Variants in RBFOX1 observed in about 807,000 individuals in gnomAD.
RBFOX1 encodes the protein RNA binding protein fox-1 homolog 1.
A neutral mutation model predicts 57.7 loss-of-function variants in RBFOX1; 8 were observed. That is an observed-to-expected ratio of 0.14 (90% CI 0.08 to 0.25). The LOEUF (loss-of-function observed/expected upper bound fraction) is 0.25. RBFOX1 is among the 10% of genes least tolerant of loss of function. The pLI, the probability that RBFOX1 is intolerant of heterozygous loss-of-function variation, is 1.00. For synonymous variants in RBFOX1, 326 were observed against 222.4 expected (o/e 1.47, Z -4.15); for missense variants, 611 against 548.5 (o/e 1.11, Z -1.14).
intron 3 of RBFOX1, among the ~76,000 whole-genome samples, chr16:6,793,376 G>T (rs1023951792): frequency 1.3e-5 from 2 of 152,062 alleles, no homozygotes; most frequent in African/African-American, 4.8e-5. Context: ...AGATTGATTG[G>T]ACTCTATAGG....
Position 7,325,874 on chromosome 16 carries a change from A to G in RBFOX1, c.28-192273A>G, listed in dbSNP as rs116393639. On this transcript the variant is annotated intron_variant, in intron 4 of 15. Coordinates refer to ENST00000550418, the MANE Select transcript of RBFOX1 (RefSeq NM_018723.4). ...GGGAATTTTTCTTGCGGTCCATGCT[A>G]GGTAATGCTTTTCCATGTTCTCTTC... Among the ~76,000 whole-genome samples the G allele has an allele frequency of 4.3e-3, 658 of 152,294 alleles. 6 individuals carry two copies. In the Middle Eastern group the frequency reaches 0.071, roughly 17 times the overall value.
chr16:7,579,845 G>C lies in RBFOX1; in HGVS notation c.339G>C (p.Lys113Asn), dbSNP rs760846272. ...AACCTTCTGAAAACACGGAAAACAA[G>C]TCTCAGCCCAAGCGGCTGCATGTCT... ...QTQPSENTEN[K>N]SQPKRLHVSN... The change falls in exon 6 of 16, where the codon AAG becomes AAC. Residue 113 changes from lysine (K) to asparagine (N), a missense_variant. This residue lies in a region of RBFOX1 where 245 missense variants were observed against 159.1 expected (regional missense o/e 1.54). Transcript: ENST00000550418. 18 of 1,613,986 alleles carry C rather than the reference G, an allele frequency of 1.1e-5. No homozygotes were observed. Among genetic ancestry groups the C allele is most frequent in the Non-Finnish European group, 1.4e-5 (17 of 1,179,992 alleles).
intron 2 of RBFOX1, among the ~76,000 whole-genome samples, chr16:6,525,571 A>G (rs1329582664): frequency 1.3e-5 from 2 of 152,088 alleles, no homozygotes; most frequent in Non-Finnish European, 2.9e-5. Flanking sequence ...TTTATTTTTC[A>G]TTGTTCTGGA....
chr16:5,661,477 C>T (rs1371565048), intron 3 of RBFOX1, among the ~76,000 whole-genome samples: 1 of 152,200 alleles, frequency 6.6e-6, no homozygotes, highest in Non-Finnish European at 1.5e-5. Context: ...ATTACCTAGT[C>T]TCCAGTAGAT....
intron 1 of RBFOX1, among the ~76,000 whole-genome samples, chr16:6,236,666 G>T (rs996523214): frequency 6.6e-6 from 1 of 152,000 alleles, no homozygotes; most frequent in Non-Finnish European, 1.5e-5. Context: ...GTCCAGGCTG[G>T]TCTCAAACTC....
chr16:7,062,740 A>G (rs2054777495), intron 4 of RBFOX1, among the ~76,000 whole-genome samples: 1 of 152,088 alleles, frequency 6.6e-6, no homozygotes, highest in South Asian at 2.1e-4. Context: ...CCTGGAGTTC[A>G]TTCATTTCGG....
intron 3 of RBFOX1, among the ~76,000 whole-genome samples, chr16:5,755,847 C>T (rs896805798): frequency 6.6e-6 from 1 of 152,170 alleles, no homozygotes; most frequent in Non-Finnish European, 1.5e-5. Flanking sequence ...ATCCGCCTGC[C>T]TCGGCCTCCC....
At chr16:6,574,498 C>G (rs555790173) in intron 2 of RBFOX1, among the ~76,000 whole-genome samples, 4 of 146,424 alleles carry the variant, frequency 2.7e-5, no homozygotes, top group Admixed American at 2.1e-4. Flanking sequence ...GCGCGATCTC[C>G]GCTCACTGCA....
At chr16:5,454,976 T>TTTCTTTCTTTCC (rs2068578455) in intron 1 of RBFOX1, among the ~76,000 whole-genome samples, 1 of 91,368 alleles carries the variant, frequency 1.1e-5, no homozygotes, top group Non-Finnish European at 2.3e-5. Context: ...TCTTTCTTTC[T>TTTCTTTCTTTCC]TTCTTTCTTT....
At chr16:6,337,147 A>T (rs1439290753) in intron 2 of RBFOX1, among the ~76,000 whole-genome samples, 2 of 152,182 alleles carry the variant, frequency 1.3e-5, no homozygotes, top group Non-Finnish European at 2.9e-5. Flanking sequence ...CCATGTTATG[A>T]ATTAATGCAT....
intron 3 of RBFOX1, among the ~76,000 whole-genome samples, chr16:7,040,709 C>T (rs9924440): frequency 0.81 from 123,344 of 152,076 alleles, 50,541 homozygotes; most frequent in East Asian, 0.94. Context: ...TTTTTATACA[C>T]AAATGGATTA....
chr16:5,255,620 C>T (rs1444705402), intron 1 of RBFOX1, among the ~76,000 whole-genome samples: 2 of 151,814 alleles, frequency 1.3e-5, no homozygotes, highest in African/African-American at 2.4e-5. Context: ...ATTTCTCCAC[C>T]CACTCAACCA....
chr16:6,956,731 C>T (rs937656145), intron 3 of RBFOX1, among the ~76,000 whole-genome samples: 2 of 152,214 alleles, frequency 1.3e-5, no homozygotes, highest in Admixed American at 6.5e-5. Flanking sequence ...AATTTAATAT[C>T]ATCTTCGATG....
intron 3 of RBFOX1, chr16:6,704,327 A>T (rs1422779032): frequency 6.6e-6 from 1 of 152,202 alleles, no homozygotes; most frequent in Non-Finnish European, 1.5e-5. Context: ...TTCAGACCCC[A>T]CTTTGTAGAC....
At chr16:6,753,620 C>T (rs17141277) in intron 3 of RBFOX1, among the ~76,000 whole-genome samples, 1 of 152,140 alleles carries the variant, frequency 6.6e-6, no homozygotes, top group Admixed American at 6.6e-5. Flanking sequence ...GAACCAGCAA[C>T]AGAGCGAAAG....
chr16:7,514,418 T>C (rs890918233), intron 4 of RBFOX1, among the ~76,000 whole-genome samples: 1 of 152,132 alleles, frequency 6.6e-6, no homozygotes, highest in Non-Finnish European at 1.5e-5. Flanking sequence ...ACTTTGCAGC[T>C]AGTATGCTGT....
chr16:6,889,234 C>G (rs764764), intron 3 of RBFOX1, among the ~76,000 whole-genome samples: 1 of 152,168 alleles, frequency 6.6e-6, no homozygotes, highest in African/African-American at 2.4e-5. Context: ...GAAAGTGAGT[C>G]TTCTCCCACC....
intron 2 of RBFOX1, among the ~76,000 whole-genome samples, chr16:5,502,920 C>G (rs1022234749): frequency 1.3e-5 from 2 of 152,182 alleles, no homozygotes; most frequent in African/African-American, 2.4e-5. Context: ...AAGATGGACT[C>G]CCCCTGCAGA....
intron 2 of RBFOX1, among the ~76,000 whole-genome samples, chr16:5,539,251 G>A (rs1186674414): frequency 6.6e-6 from 1 of 152,124 alleles, no homozygotes; most frequent in African/African-American, 2.4e-5. Context: ...CAGGAATGCA[G>A]GAGAATCACC....
Sources: allele counts gnomAD v4.1 joint callset (sites outside exome capture counted in the v4.1 genomes callset), GRCh38; gene constraint gnomAD v4.1.1; regional missense constraint gnomAD v4.1.1; transcripts MANE v1.5; gene names NCBI Gene and HGNC (gene_info 2026-07-23, HGNC 2026-07-21).